Variants in KALRN observed in about 807,000 individuals in gnomAD.
KALRN encodes kalirin RhoGEF kinase, also known as kalirin.
Under a neutral mutation model 353.7 loss-of-function variants are expected in KALRN, and 70 were observed. The ratio of observed to expected loss-of-function variants is 0.20; its 90% CI spans 0.16 to 0.24. The LOEUF is 0.24. Among genes scored for constraint, KALRN ranks in the 10% least tolerant of loss-of-function variants. The pLI, the probability that KALRN is intolerant of heterozygous loss-of-function variation, is 1.00. For missense variants in KALRN, 2,791 were observed against 3,756.7 expected, an observed-to-expected ratio of 0.74 and a Z score of 6.72; for synonymous variants, 1,391 against 1,434.8, an observed-to-expected ratio of 0.97 and a Z score of 0.69.
intron 23 of KALRN, among the ~76,000 whole-genome samples, chr3:124,460,923 G>C (rs2059798559): frequency 1.3e-5 from 2 of 152,108 alleles, no homozygotes; most frequent in South Asian, 4.2e-4. Flanking sequence ...CTCTTTATGG[G>C]GGACTGAGAA....
intron 1 of KALRN, among the ~76,000 whole-genome samples, chr3:124,221,526 C>T (rs1162201969): frequency 1.3e-5 from 2 of 152,164 alleles, no homozygotes; most frequent in Non-Finnish European, 2.9e-5. Flanking sequence ...TAAAGTACAA[C>T]TGGAGACAGC....
At chr3:124,487,066 C>T (rs1487834078) in intron 28 of KALRN, among the ~76,000 whole-genome samples, 1 of 152,156 alleles carries the variant, frequency 6.6e-6, no homozygotes, top group East Asian at 1.9e-4. Flanking sequence ...TTCTTTATTT[C>T]TGGGAAAGGC....
intron 33 of KALRN, among the ~76,000 whole-genome samples, chr3:124,533,490 A>G (rs1370621735): frequency 1.3e-5 from 2 of 152,018 alleles, no homozygotes; most frequent in Non-Finnish European, 2.9e-5. Flanking sequence ...AAAAAATACA[A>G]AAAAATTAGC....
intron 33 of KALRN, among the ~76,000 whole-genome samples, chr3:124,498,670 C>T (rs1034089758): frequency 2.6e-5 from 4 of 152,030 alleles, no homozygotes; most frequent in African/African-American, 7.3e-5. Flanking sequence ...TACACAAAAC[C>T]TAGAAAATTC....
intron 1 of KALRN, among the ~76,000 whole-genome samples, chr3:124,178,312 T>G (rs1253221883): frequency 6.6e-6 from 1 of 152,226 alleles, no homozygotes; most frequent in East Asian, 1.9e-4. Context: ...ATTTATAAAT[T>G]AGCCACCATA....
chr3:124,261,931 A>G (rs2148864860), intron 3 of KALRN, among the ~76,000 whole-genome samples: 1 of 152,360 alleles, frequency 6.6e-6, no homozygotes, highest in South Asian at 2.1e-4. Flanking sequence ...AGAAAGATGG[A>G]CAAAAGAGCT....
intron 1 of KALRN, among the ~76,000 whole-genome samples, chr3:124,048,124 A>G (rs2040681662): frequency 6.6e-6 from 1 of 152,216 alleles, no homozygotes; most frequent in Admixed American, 6.5e-5. Context: ...ACATATGTCT[A>G]TTGAACAAAG....
chr3:124,492,854 C>A lies in KALRN; in HGVS notation c.4804C>A (p.Pro1602Thr). 2 of 1,614,088 alleles carry A rather than the reference C, an allele frequency of 1.2e-6. No homozygotes were observed. Among genetic ancestry groups the A allele is most frequent in the Non-Finnish European group, 1.7e-6 (2 of 1,179,972 alleles). ...LKEPLQLPKT[P>T]AKQRNNSKRD... ...GGAGCCACTTCAGCTCCCCAAAACACCAGCCAAACAGAGGAACAATAGTAA... is the reference window on the plus strand; with the variant it reads ...GGAGCCACTTCAGCTCCCCAAAACAACAGCCAAACAGAGGAACAATAGTAA... Residue 1602 changes from proline (P) to threonine (T), a missense_variant, in exon 32 of 60, where the codon CCA becomes ACA. Physicochemically the swap from Pro to Thr is conservative, Grantham distance 38. This residue lies in a region of KALRN where 239 missense variants were observed against 351.3 expected (regional missense o/e 0.68). Transcript: ENST00000682506.
chr3:124,053,745 C>T (rs1298035871), intron 1 of KALRN, among the ~76,000 whole-genome samples: 1 of 152,202 alleles, frequency 6.6e-6, no homozygotes, highest in African/African-American at 2.4e-5. Flanking sequence ...TGATGTTGCT[C>T]ATGCTTTGGA....
intron 5 of KALRN, among the ~76,000 whole-genome samples, chr3:124,270,596 A>G (rs1052461724): frequency 2.6e-5 from 4 of 152,066 alleles, no homozygotes; most frequent in African/African-American, 9.7e-5. Context: ...GATTTAAGCA[A>G]GGTTTGGGAA....
chr3:124,536,386 G>T (rs1438488626), intron 33 of KALRN, among the ~76,000 whole-genome samples: 1 of 151,992 alleles, frequency 6.6e-6, no homozygotes, highest in Non-Finnish European at 1.5e-5. Context: ...ATTTTTAGTA[G>T]AGATGGGGTT....
chr3:124,353,090 A>G (rs2083010260), intron 10 of KALRN, among the ~76,000 whole-genome samples: 1 of 152,236 alleles, frequency 6.6e-6, no homozygotes, highest in African/African-American at 2.4e-5. Flanking sequence ...AAGAGAAAGA[A>G]TCAATGATGA....
chr3:124,591,920 A>C (rs1384775612), intron 34 of KALRN, among the ~76,000 whole-genome samples: 5 of 152,208 alleles, frequency 3.3e-5, no homozygotes, highest in Non-Finnish European at 5.9e-5. Context: ...TTCCTTTTTA[A>C]AAAACTTAAT....
chr3:124,678,230 G>A lies in KALRN; in HGVS notation c.7234G>A (p.Ala2412Thr). 6.2e-7 allele frequency: 1 copy of A among 1,614,084 alleles called. No homozygotes were observed. The highest frequency in any genetic ancestry group is 8.5e-7 in the Non-Finnish European group (1 of 1,179,966). The stretch of plus-strand genomic sequence containing the variant: ...GCATACTCTACGCATGAGAAAGCGG[G>A]CGGAAGTGGAGAACACGGGTAAAAA... ...SWHTLRMRKR[A>T]EVENTGKNEA... The change falls in exon 50 of 60, where the codon GCG (alanine) becomes ACG (threonine). Residue 2412 changes from alanine to threonine, a missense_variant. Coordinates refer to ENST00000682506, the MANE Select transcript of KALRN (RefSeq NM_001388419.1).
At chr3:124,483,854 T>G (rs1462769212) in intron 28 of KALRN, among the ~76,000 whole-genome samples, 1 of 152,238 alleles carries the variant, frequency 6.6e-6, no homozygotes, top group Non-Finnish European at 1.5e-5. Context: ...TAATTTGGGT[T>G]CATCCTTGTC....
chr3:124,537,154 G>A (rs2068587255), intron 33 of KALRN, among the ~76,000 whole-genome samples: 1 of 152,148 alleles, frequency 6.6e-6, no homozygotes, highest in Admixed American at 6.6e-5. Flanking sequence ...CAATTCTCAT[G>A]CCTCAGCCTC....
At chr3:124,315,373 C>T (rs530944016) in intron 6 of KALRN, among the ~76,000 whole-genome samples, 18 of 152,280 alleles carry the variant, frequency 1.2e-4, no homozygotes, top group African/African-American at 4.1e-4. Flanking sequence ...GGCCTGGGTC[C>T]CTTCTGCAAG....
At chr3:124,583,208 C>G (rs567032305) in intron 34 of KALRN, among the ~76,000 whole-genome samples, 10 of 152,166 alleles carry the variant, frequency 6.6e-5, no homozygotes, top group Non-Finnish European at 1.3e-4. Flanking sequence ...CATTGGTTAC[C>G]TGGGTGATCA....
intron 1 of KALRN, among the ~76,000 whole-genome samples, chr3:124,220,824 C>T (rs1044304221): frequency 2.6e-5 from 4 of 152,240 alleles, no homozygotes; most frequent in Non-Finnish European, 5.9e-5. Flanking sequence ...TCCAGTGCCC[C>T]TACCCCCTAT....
Sources: allele counts gnomAD v4.1 joint callset (sites outside exome capture counted in the v4.1 genomes callset), GRCh38; gene constraint gnomAD v4.1.1; regional missense constraint gnomAD v4.1.1; transcripts MANE v1.5; gene names NCBI Gene and HGNC (gene_info 2026-07-23, HGNC 2026-07-21).